The following CADPS2 variants were observed in gnomAD, a reference collection of about 807,000 sequenced individuals.
The protein encoded by CADPS2 is calcium-dependent secretion activator 2.
In CADPS2, 93 loss-of-function variants were observed where a neutral mutation model predicts 172.5. The observed-to-expected ratio is 0.54, with a 90% confidence interval of 0.46 to 0.64. The LOEUF (loss-of-function observed/expected upper bound fraction) is 0.64, where lower values mean the gene tolerates loss of function less well. Ranked by LOEUF, CADPS2 falls within the 30% of genes least tolerant of loss-of-function variation. CADPS2 has a pLI of 0.00. For missense variants in CADPS2, 1,420 were observed against 1,565.9 expected (o/e 0.91, Z 1.57); for synonymous variants, 546 against 555.2 (o/e 0.98, Z 0.23).
intron 1 of CADPS2, among the ~76,000 whole-genome samples, chr7:122,851,495 A>C (rs1325973704): frequency 6.6e-6 from 1 of 152,164 alleles, no homozygotes; most frequent in Non-Finnish European, 1.5e-5. Flanking sequence ...CAGCATGTAA[A>C]CCAGTACTAA....
intron 17 of CADPS2, among the ~76,000 whole-genome samples, chr7:122,429,687 A>G (rs962686603): frequency 1.3e-5 from 2 of 152,116 alleles, no homozygotes; most frequent in African/African-American, 4.8e-5. Context: ...GTCGGTGCCT[A>G]TGGGAACATG....
At chr7:122,359,858 ATT>A (rs1262424177) in intron 27 of CADPS2, among the ~76,000 whole-genome samples, 1 of 152,164 alleles carries the variant, frequency 6.6e-6, no homozygotes, top group Non-Finnish European at 1.5e-5. Flanking sequence ...TAAAATACTC[ATT>A]TATAACTACA....
chr7:122,378,138 C>A (rs2042570243), intron 25 of CADPS2, among the ~76,000 whole-genome samples: 1 of 152,106 alleles, frequency 6.6e-6, no homozygotes. Flanking sequence ...TTGAAAGTAT[C>A]ATTTCTTAAT....
chr7:122,706,899 T>C (rs2087652922), intron 2 of CADPS2, among the ~76,000 whole-genome samples: 1 of 151,116 alleles, frequency 6.6e-6, no homozygotes, highest in African/African-American at 2.4e-5. Flanking sequence ...TGGCTAGAAT[T>C]GCTTCACAAA....
chr7:122,702,197 T>G, intron 2 of CADPS2: 1 of 1,613,826 alleles, frequency 6.2e-7, no homozygotes, highest in Non-Finnish European at 8.5e-7. Flanking sequence ...GCTCACCCAC[T>G]GCATGTGCAT....
chr7:122,805,576 T>G (rs1798621349), intron 1 of CADPS2, among the ~76,000 whole-genome samples: 1 of 152,212 alleles, frequency 6.6e-6, no homozygotes, highest in East Asian at 1.9e-4. Flanking sequence ...CTTATCAGCT[T>G]ACAGCCTAAG....
At chr7:122,493,720 CTT>C (rs10544810) in intron 9 of CADPS2, among the ~76,000 whole-genome samples, 9,087 of 131,466 alleles carry the variant, frequency 0.069, 411 homozygotes, top group African/African-American at 0.15. Context: ...TATGTTTAAT[CTT>C]TTTTTTTTTT....
rs1056133554 is a variant in CADPS2 at position 122,737,890 on chromosome 7, C to T, written c.340-822G>A. ...AGAACGTACCCTAAGAAAGATCCCT[C>T]TGGAAAGAACAGCCATTGCATGCCA... On this transcript the variant is annotated intron_variant, in intron 1 of 29. Transcript: ENST00000449022. 5.3e-5 allele frequency among the ~76,000 whole-genome samples: 8 copies of T among 152,198 alleles called. No homozygotes were observed. The South Asian group carries it at 1.7e-3, about 32-fold the overall frequency.
chr7:122,818,591 C>G (rs1375878935), intron 1 of CADPS2, among the ~76,000 whole-genome samples: 3 of 152,112 alleles, frequency 2.0e-5, no homozygotes, highest in Non-Finnish European at 4.4e-5. Flanking sequence ...CCCTTCCTCC[C>G]CAGGCTGCTC....
chr7:122,409,959 G>A (rs935492209), intron 19 of CADPS2, among the ~76,000 whole-genome samples: 2 of 152,196 alleles, frequency 1.3e-5, no homozygotes, highest in Admixed American at 6.5e-5. Flanking sequence ...ACTAATTAGT[G>A]TAAATGAGAT....
chr7:122,334,528 G>A (rs2035542659), intron 28 of CADPS2, among the ~76,000 whole-genome samples: 1 of 152,196 alleles, frequency 6.6e-6, no homozygotes, highest in Non-Finnish European at 1.5e-5. Flanking sequence ...GCTTGTTTGG[G>A]AGCTGATATA....
At chr7:122,520,847 G>A (rs1586820447) in intron 8 of CADPS2, among the ~76,000 whole-genome samples, 1 of 152,072 alleles carries the variant, frequency 6.6e-6, no homozygotes, top group Non-Finnish European at 1.5e-5. Flanking sequence ...CATGCTGTGA[G>A]AGTTCATGGT....
intron 23 of CADPS2, 39 bp from the exon 24 acceptor site, chr7:122,387,212 C>T: frequency 6.5e-7 from 1 of 1,544,126 alleles, no homozygotes. Flanking sequence ...AGAAATTCTG[C>T]TATACAGCTC....
At chr7:122,814,157 TATG>T (rs1480165301) in intron 1 of CADPS2, among the ~76,000 whole-genome samples, 2 of 151,212 alleles carry the variant, frequency 1.3e-5, no homozygotes, top group African/African-American at 4.9e-5. Context: ...CTGGTTCCTA[TATG>T]ATAACATGGT....
chr7:122,392,260 T>C (rs74890846), intron 22 of CADPS2, among the ~76,000 whole-genome samples: 2,607 of 152,224 alleles, frequency 0.017, 79 homozygotes, highest in African/African-American at 0.06. Flanking sequence ...ATTATAATGA[T>C]GATGCCTGAT....
chr7:122,760,069 C>G (rs1364079385), intron 1 of CADPS2, among the ~76,000 whole-genome samples: 1 of 151,884 alleles, frequency 6.6e-6, no homozygotes, highest in Non-Finnish European at 1.5e-5. Flanking sequence ...ATTTTACACA[C>G]AGTCTATACT....
chr7:122,623,709 C>T (rs1348420725), intron 4 of CADPS2, among the ~76,000 whole-genome samples: 1 of 152,150 alleles, frequency 6.6e-6, no homozygotes, highest in Non-Finnish European at 1.5e-5. Context: ...TAACACCTAA[C>T]TTGTTTGCTT....
intron 6 of CADPS2, among the ~76,000 whole-genome samples, chr7:122,611,995 G>C (rs896059182): frequency 1.3e-5 from 2 of 151,960 alleles, no homozygotes; most frequent in African/African-American, 4.8e-5. Context: ...AAAAGCATTT[G>C]ACAAAATCAA....
chr7:122,643,864 G>A (rs1465696977), intron 3 of CADPS2, among the ~76,000 whole-genome samples: 2 of 152,152 alleles, frequency 1.3e-5, no homozygotes, highest in Non-Finnish European at 2.9e-5. Context: ...GCCGAGGTGG[G>A]TAGATTGCTT....
Sources: allele counts gnomAD v4.1 joint callset (sites outside exome capture counted in the v4.1 genomes callset), GRCh38; gene constraint gnomAD v4.1.1; transcripts MANE v1.5; gene names NCBI Gene and HGNC (gene_info 2026-07-23, HGNC 2026-07-21).